Variants in ST3GAL3 observed in about 807,000 individuals in gnomAD.
ST3GAL3 encodes CMP-N-acetylneuraminate-beta-1,4-galactoside alpha-2,3-sialyltransferase.
In ST3GAL3, 21 loss-of-function variants were observed where a neutral mutation model predicts 50.1. The ratio of observed to expected loss-of-function variants is 0.42; its 90% confidence interval spans 0.30 to 0.60. The LOEUF is 0.60. Ranked by LOEUF, ST3GAL3 falls within the 20% of genes least tolerant of loss-of-function variation. ST3GAL3 has a pLI of 0.19. For synonymous variants in ST3GAL3, 183 were observed against 190.0 expected (o/e 0.96, Z 0.30); for missense variants, 353 against 489.4 (o/e 0.72, Z 2.63).
chr1:43,929,313 T>A (rs12724835), intron 11 of ST3GAL3, among the ~76,000 whole-genome samples: 19 of 54,480 alleles, frequency 3.5e-4, no homozygotes, highest in Middle Eastern at 6.7e-3. Context: ...AATTATTATT[T>A]TTTTTTTTTG....
chr1:43,927,411 A>G (rs1317776272), intron 11 of ST3GAL3, among the ~76,000 whole-genome samples: 1 of 152,218 alleles, frequency 6.6e-6, no homozygotes, highest in Non-Finnish European at 1.5e-5. Flanking sequence ...ACACCTAAAA[A>G]CATGAACAGT....
At chr1:43,865,339 C>G (rs2071078559) in intron 5 of ST3GAL3, among the ~76,000 whole-genome samples, 1 of 152,058 alleles carries the variant, frequency 6.6e-6, no homozygotes, top group South Asian at 2.1e-4. Flanking sequence ...ATTTATAAGT[C>G]TTTATGCACC....
At chr1:43,866,982 T>G (rs2071472054) in intron 5 of ST3GAL3, among the ~76,000 whole-genome samples, 1 of 152,002 alleles carries the variant, frequency 6.6e-6, no homozygotes, top group Non-Finnish European at 1.5e-5. Flanking sequence ...ATACAAAAAT[T>G]AGCCAGGCAT....
chr1:43,904,915 C>A (rs796503571), intron 9 of ST3GAL3, among the ~76,000 whole-genome samples: 9 of 64,048 alleles, frequency 1.4e-4, no homozygotes, highest in South Asian at 4.8e-4. Flanking sequence ...TCCTGCTCCT[C>A]TTCCCGCCAC....
chr1:43,838,532 G>T (rs1321138689), intron 5 of ST3GAL3: 1 of 522,938 alleles, frequency 1.9e-6, no homozygotes, highest in Admixed American at 2.7e-5. Flanking sequence ...TTGTGGCACA[G>T]CCTGTTTCTG....
chr1:43,749,883 G>T (rs1685355353), intron 2 of ST3GAL3, among the ~76,000 whole-genome samples: 1 of 152,230 alleles, frequency 6.6e-6, no homozygotes, highest in Non-Finnish European at 1.5e-5. Flanking sequence ...TGAGGACACA[G>T]TGTTTTTCCC....
At chr1:43,734,053 G>A (rs1677093453) in intron 1 of ST3GAL3, among the ~76,000 whole-genome samples, 1 of 152,086 alleles carries the variant, frequency 6.6e-6, no homozygotes, top group Non-Finnish European at 1.5e-5. Context: ...GGAAGTTGCA[G>A]TGAACCGAGA....
At chr1:43,916,850 C>T (rs1281878187) in intron 9 of ST3GAL3, 1 of 152,160 alleles carries the variant, frequency 6.6e-6, no homozygotes, top group Non-Finnish European at 1.5e-5. Flanking sequence ...GCTAGGATTA[C>T]AGGCATGAGC....
chr1:43,799,423 G>A (rs116527246), intron 3 of ST3GAL3, among the ~76,000 whole-genome samples: 2,563 of 152,178 alleles, frequency 0.017, 41 homozygotes, highest in Non-Finnish European at 0.022. Context: ...GAAATTTATT[G>A]CTCACAGTTC....
chr1:43,722,067 T>G (rs1670757416), intron 1 of ST3GAL3, among the ~76,000 whole-genome samples: 1 of 152,164 alleles, frequency 6.6e-6, no homozygotes. Context: ...CTTAGAAAAT[T>G]ATAAGTGCAC....
At chr1:43,793,702 G>A (rs1384349065) in intron 3 of ST3GAL3, among the ~76,000 whole-genome samples, 1 of 152,160 alleles carries the variant, frequency 6.6e-6, no homozygotes, top group East Asian at 1.9e-4. Context: ...TCCAAAACTT[G>A]CATCTATTTG....
chr1:43,765,772 T>C (rs1558202124), intron 2 of ST3GAL3, among the ~76,000 whole-genome samples: 10 of 125,772 alleles, frequency 8.0e-5, no homozygotes, highest in East Asian at 2.6e-4. Context: ...TGTGTGTGTG[T>C]GTGTGTGTGT....
chr1:43,852,747 G>T (rs1340564510), intron 5 of ST3GAL3, among the ~76,000 whole-genome samples: 1 of 152,212 alleles, frequency 6.6e-6, no homozygotes, highest in East Asian at 1.9e-4. Context: ...GAGACTGAAA[G>T]TTCTCACAGC....
intron 5 of ST3GAL3, chr1:43,838,604 G>A (rs928221651): frequency 7.6e-6 from 3 of 397,340 alleles, no homozygotes; most frequent in African/African-American, 4.1e-5. Context: ...GCCAGAGAAG[G>A]CTGCCAAGCA....
chr1:43,839,373 G>A (rs915633354), intron 5 of ST3GAL3: 1 of 152,154 alleles, frequency 6.6e-6, no homozygotes, highest in Non-Finnish European at 1.5e-5. Flanking sequence ...CTGGCTTTTT[G>A]TGTTCTGTAT....
intron 9 of ST3GAL3, among the ~76,000 whole-genome samples, chr1:43,905,380 A>C (rs1471564902): frequency 1.2e-3 from 40 of 32,470 alleles, no homozygotes; most frequent in Non-Finnish European, 1.4e-3. Flanking sequence ...TCTTCCCACC[A>C]CTCTTCCTCC....
intron 4 of ST3GAL3, among the ~76,000 whole-genome samples, chr1:43,822,597 T>G (rs1433385680): frequency 1.3e-5 from 2 of 152,048 alleles, no homozygotes; most frequent in African/African-American, 4.8e-5. Context: ...CTGAGGTGAG[T>G]TTAACACTTC....
intron 3 of ST3GAL3, among the ~76,000 whole-genome samples, chr1:43,804,448 A>G (rs561312456): frequency 2.0e-5 from 3 of 152,318 alleles, no homozygotes; most frequent in Non-Finnish European, 2.9e-5. Flanking sequence ...TAACATGACT[A>G]TGAGGCTGGG....
chr1:43,921,407 G>A (rs2083020587), intron 11 of ST3GAL3: 1 of 407,814 alleles, frequency 2.5e-6, no homozygotes, highest in Non-Finnish European at 4.3e-6. Context: ...TCTCCAGCCT[G>A]TCAGCCAGCC....
Sources: allele counts gnomAD v4.1 joint callset (sites outside exome capture counted in the v4.1 genomes callset), GRCh38; gene constraint gnomAD v4.1.1; transcripts MANE v1.5; gene names NCBI Gene and HGNC (gene_info 2026-07-23, HGNC 2026-07-21).